UBASH3B: variants seen among roughly 807,000 people sequenced by gnomAD.
UBASH3B encodes ubiquitin associated and SH3 domain containing B.
Under a neutral mutation model 83.4 loss-of-function variants are expected in UBASH3B, and 37 were observed. The observed-to-expected ratio is 0.44, with a 90% CI of 0.34 to 0.58. The LOEUF is 0.58. Among genes scored for constraint, UBASH3B ranks in the 20% least tolerant of loss-of-function variants. UBASH3B has a pLI of 0.01. For synonymous variants in UBASH3B, 304 were observed against 318.3 expected (o/e 0.96, Z 0.48); for missense variants, 657 against 827.2 (o/e 0.79, Z 2.52).
Position 122,655,915 on chromosome 11 carries a change from CGCCGCCTCCGCT to C in UBASH3B, c.-128_-117del. ...GTCCCGACACTGGGGAAGCTCGGAG[CGCCGCCTCCGCT>C]GCCGCCGCCTCCTGCCTGGCTCTGG... On this transcript the variant is annotated 5_prime_UTR_variant, in exon 1 of 14. Transcript: ENST00000284273. 1 of 965,572 alleles carries C rather than the reference CGCCGCCTCCGCT, an allele frequency of 1.0e-6. No homozygotes were observed. Among genetic ancestry groups the C allele is most frequent in the Non-Finnish European group, 1.4e-6 (1 of 701,904 alleles). 59.8% of individuals were successfully genotyped at this position (965,572 alleles called of 1,614,324 possible). A position where few individuals can be genotyped will look rare whatever the true frequency, so the allele number is the denominator to read the frequency against.
rs544842230 is a variant in UBASH3B, at chr11:122,800,199, T to C, written c.1451-989T>C. 3.3e-5 allele frequency among the ~76,000 whole-genome samples: 5 copies of C among 152,264 alleles called. No homozygotes were observed. In the South Asian group the frequency reaches 1.0e-3, roughly 32 times the overall value. On this transcript the variant is annotated intron_variant, in intron 10 of 13. Transcript: ENST00000284273. ...AATACGATGTTGGATACTCAGAGAC[T>C]ATCTGAAGTTTCTTGGTAAGGCCAT... is the stretch of plus-strand genomic sequence containing the variant.
chr11:122,698,213 C>T (rs61271183), intron 1 of UBASH3B, among the ~76,000 whole-genome samples: 7,246 of 152,200 alleles, frequency 0.048, 189 homozygotes, highest in African/African-American at 0.053. Flanking sequence ...TCTCCTCTGT[C>T]GTATTAGATG....
intron 1 of UBASH3B, among the ~76,000 whole-genome samples, chr11:122,702,576 G>C (rs1025047796): frequency 4.6e-5 from 7 of 151,814 alleles, no homozygotes; most frequent in African/African-American, 4.8e-5. Context: ...CGAGGCTGGA[G>C]TGCAATGGTG....
At chr11:122,807,731 T>G (rs1463455386) in intron 12 of UBASH3B, among the ~76,000 whole-genome samples, 1 of 152,016 alleles carries the variant, frequency 6.6e-6, no homozygotes, top group Admixed American at 6.6e-5. Flanking sequence ...TTTAAAAATT[T>G]TCTATAGGGA....
chr11:122,658,442 A>G (rs1863392697), intron 1 of UBASH3B, among the ~76,000 whole-genome samples: 1 of 152,170 alleles, frequency 6.6e-6, no homozygotes, highest in African/African-American at 2.4e-5. Context: ...CATAAGGGTC[A>G]TTTTTGGCTT....
At position 122,807,109 on chromosome 11, in the gene UBASH3B, C is replaced by T. The variant is rs551941223; in HGVS notation, c.1702+593C>T. Among the ~76,000 whole-genome samples, 36 of 152,232 alleles carry T rather than the reference C, an allele frequency of 2.4e-4. No homozygotes were observed. In the South Asian group the frequency reaches 7.5e-3, roughly 32 times the overall value. On this transcript the variant is annotated intron_variant, in intron 12 of 13. Transcript: ENST00000284273. Reference sequence around the variant, plus strand: ...TCAAACAGTAGGCAGCCATGAGCAACAGTATTATGAATGATTCCCACCTTC... The same window carrying T: ...TCAAACAGTAGGCAGCCATGAGCAATAGTATTATGAATGATTCCCACCTTC...
At chr11:122,802,101 G>T (rs1248451223) in intron 11 of UBASH3B, among the ~76,000 whole-genome samples, 1 of 152,112 alleles carries the variant, frequency 6.6e-6, no homozygotes, top group African/African-American at 2.4e-5. Flanking sequence ...TGGATCGTGA[G>T]GTCAGGAGAT....
chr11:122,786,746 A>G (rs1458245216), intron 5 of UBASH3B, among the ~76,000 whole-genome samples: 2 of 152,248 alleles, frequency 1.3e-5, no homozygotes, highest in Non-Finnish European at 2.9e-5. Context: ...GTGTTCTCAC[A>G]TCTTTCAAAC....
chr11:122,725,024 C>T (rs980406325), intron 1 of UBASH3B, among the ~76,000 whole-genome samples: 1 of 151,164 alleles, frequency 6.6e-6, no homozygotes. Flanking sequence ...ACGATCTCAG[C>T]TCACTGCAAC....
chr11:122,670,300 G>C (rs1863577913), intron 1 of UBASH3B, among the ~76,000 whole-genome samples: 3 of 152,118 alleles, frequency 2.0e-5, no homozygotes. Flanking sequence ...ACCTATCCCA[G>C]CCTCCACCTG....
At chr11:122,798,167 T>G (rs891039773) in intron 9 of UBASH3B, among the ~76,000 whole-genome samples, 6 of 151,926 alleles carry the variant, frequency 3.9e-5, no homozygotes, top group Non-Finnish European at 8.8e-5. Context: ...AAATTAAGAA[T>G]AATAATAAAT....
At chr11:122,776,705 G>C (rs559293260) in intron 2 of UBASH3B, among the ~76,000 whole-genome samples, 1 of 152,322 alleles carries the variant, frequency 6.6e-6, no homozygotes, top group East Asian at 1.9e-4. Flanking sequence ...CTGAGGGACA[G>C]GCTGGGTTGG....
At chr11:122,744,599 G>C (rs1861081114) in intron 1 of UBASH3B, among the ~76,000 whole-genome samples, 1 of 151,756 alleles carries the variant, frequency 6.6e-6, no homozygotes, top group African/African-American at 2.4e-5. Flanking sequence ...TGTGTGTGAG[G>C]GTGTTTGTGT....
At chr11:122,703,112 G>A (rs1222673547) in intron 1 of UBASH3B, among the ~76,000 whole-genome samples, 5 of 152,040 alleles carry the variant, frequency 3.3e-5, no homozygotes, top group African/African-American at 1.2e-4. Flanking sequence ...GTTGGTGGTG[G>A]ACATGCCACT....
chr11:122,789,440 G>A, intron 6 of UBASH3B, 132 bp downstream of exon 6: 3 of 985,476 alleles, frequency 3.0e-6, no homozygotes, highest in Non-Finnish European at 4.5e-6. Context: ...TCCAGGAAAG[G>A]AGCTGATTTG....
In UBASH3B at chr11:122,813,098, C is replaced by CA. The variant is rs1861478036; in HGVS notation, c.*3218dup. On this transcript the variant is annotated 3_prime_UTR_variant, in exon 14 of 14. Coordinates refer to ENST00000284273, the MANE Select transcript of UBASH3B (RefSeq NM_032873.5). ...ACCTTATATTTAAAAGATGATTTTG[C>CA]AAAAAATAAAAAATAAAAAATATGC... 6.6e-6 allele frequency: 1 copy of CA among 152,092 alleles called. No homozygotes were observed. The highest frequency in any genetic ancestry group is 2.4e-5 in the African/African-American group (1 of 41,310). 9.4% of individuals were successfully genotyped at this position (152,092 alleles called of 1,614,324 possible).
intron 4 of UBASH3B, among the ~76,000 whole-genome samples, chr11:122,781,856 G>A (rs1860861846): frequency 6.6e-6 from 1 of 152,214 alleles, no homozygotes; most frequent in South Asian, 2.1e-4. Context: ...TACAGTGTAA[G>A]CGAGAGACAA....
chr11:122,716,496 T>C (rs1860527757), intron 1 of UBASH3B, among the ~76,000 whole-genome samples: 1 of 152,206 alleles, frequency 6.6e-6, no homozygotes, highest in African/African-American at 2.4e-5. Context: ...CACACACATA[T>C]GCCGTGAGTT....
At chr11:122,705,621 C>T (rs1209449468) in intron 1 of UBASH3B, among the ~76,000 whole-genome samples, 1 of 152,154 alleles carries the variant, frequency 6.6e-6, no homozygotes, top group Non-Finnish European at 1.5e-5. Context: ...TAGCCCTAAT[C>T]AAGGAGGACT....
Sources: allele counts gnomAD v4.1 joint callset (sites outside exome capture counted in the v4.1 genomes callset), GRCh38; gene constraint gnomAD v4.1.1; transcripts MANE v1.5; gene names NCBI Gene and HGNC (gene_info 2026-07-23, HGNC 2026-07-21).